CEP85L: variants seen among roughly 807,000 people sequenced by gnomAD.
The protein encoded by CEP85L is centrosomal protein of 85 kDa-like.
A neutral mutation model predicts 100.3 loss-of-function variants in CEP85L; 60 were observed. The observed-to-expected ratio is 0.60, with a 90% CI of 0.49 to 0.74. CEP85L has a LOEUF of 0.74. Among genes scored for constraint, CEP85L ranks in the 30% least tolerant of loss-of-function variants. The pLI is 0.00. For missense variants in CEP85L, 973 were observed against 936.2 expected (o/e 1.04, Z -0.51); for synonymous variants, 319 against 322.7 (o/e 0.99, Z 0.12).
chr6:118,696,121 A>G (rs186949081), intron 1 of CEP85L, among the ~76,000 whole-genome samples: 1 of 152,200 alleles, frequency 6.6e-6, no homozygotes, highest in Admixed American at 6.5e-5. Flanking sequence ...AAATACAAAA[A>G]TTAGCCTGAT....
chr6:118,611,563 G>A (rs1772615310), intron 2 of CEP85L, among the ~76,000 whole-genome samples: 1 of 152,048 alleles, frequency 6.6e-6, no homozygotes, highest in African/African-American at 2.4e-5. Flanking sequence ...GATAGAAATT[G>A]GCACAGCAGA....
chr6:118,476,242 A>G (rs1773362260), intron 10 of CEP85L, among the ~76,000 whole-genome samples: 1 of 151,964 alleles, frequency 6.6e-6, no homozygotes, highest in South Asian at 2.1e-4. Flanking sequence ...GTGAACAGTA[A>G]AGACTGTTCT....
intron 5 of CEP85L, among the ~76,000 whole-genome samples, chr6:118,496,960 C>A (rs573834095): frequency 6.6e-6 from 1 of 152,170 alleles, no homozygotes; most frequent in Non-Finnish European, 1.5e-5. Flanking sequence ...CAAACATTAG[C>A]AGAAATCTTG....
chr6:118,483,587 A>G, intron 7 of CEP85L, 119 bp downstream of exon 7: 1 of 849,098 alleles, frequency 1.2e-6, no homozygotes, highest in African/African-American at 1.7e-5. Context: ...TTCTTATTAG[A>G]ATTAAGTCCC....
intron 5 of CEP85L, among the ~76,000 whole-genome samples, chr6:118,509,299 C>T (rs192975619): frequency 7.2e-5 from 11 of 152,022 alleles, no homozygotes; most frequent in Admixed American, 3.9e-4. Context: ...GCCTTTATTC[C>T]GAATGACAGA....
At chr6:118,618,794 T>C (rs776374318) in intron 2 of CEP85L, among the ~76,000 whole-genome samples, 5 of 152,148 alleles carry the variant, frequency 3.3e-5, no homozygotes, top group Non-Finnish European at 5.9e-5. Flanking sequence ...CTGTCACTAA[T>C]TCAGAGATTC....
chr6:118,465,620 A>C, intron 12 of CEP85L, 52 bp from the exon 13 acceptor site: 4 of 1,561,954 alleles, frequency 2.6e-6, no homozygotes, highest in Non-Finnish European at 2.6e-6. Flanking sequence ...GAACAAAGAC[A>C]TTTTAGAATT....
chr6:118,589,746 G>T, intron 2 of CEP85L: 1 of 222,168 alleles, frequency 4.5e-6, no homozygotes, highest in South Asian at 6.8e-5. Flanking sequence ...TATAGCAAGT[G>T]AAAGCAGGAG....
chr6:118,672,396 T>C (rs1458732870), intron 1 of CEP85L, among the ~76,000 whole-genome samples: 1 of 152,198 alleles, frequency 6.6e-6, no homozygotes, highest in Non-Finnish European at 1.5e-5. Flanking sequence ...ATTTGTTGAA[T>C]ATTGACTATG....
At chr6:118,538,612 G>A (rs1035959841) in intron 3 of CEP85L, among the ~76,000 whole-genome samples, 2 of 151,888 alleles carry the variant, frequency 1.3e-5, no homozygotes, top group African/African-American at 4.8e-5. Context: ...AAAGAAATGA[G>A]CCATGCATGC....
Position 118,609,075 on chromosome 6 carries a change from A to G in CEP85L, c.232+23378T>C, listed in dbSNP as rs531925839. Among the ~76,000 whole-genome samples, 27 of 152,366 alleles carry G rather than the reference A, an allele frequency of 1.8e-4. 1 individual carries two copies. In the South Asian group the frequency reaches 5.4e-3, roughly 30 times the overall value. On this transcript the variant is annotated intron_variant, in intron 2 of 12. Transcript: ENST00000368491. ...ATTTCAAAATAAAAATTATTTTTTA[A>G]AGAAATCCAATATATAGATGTTTTT...
At chr6:118,660,037 A>G (rs906870094) in intron 1 of CEP85L, among the ~76,000 whole-genome samples, 3 of 152,214 alleles carry the variant, frequency 2.0e-5, no homozygotes, top group Non-Finnish European at 4.4e-5. Flanking sequence ...CTTAGAGGAA[A>G]TTAGTTGTAA....
At chr6:118,564,124 TA>T (rs755838246) in intron 3 of CEP85L, among the ~76,000 whole-genome samples, 3 of 151,428 alleles carry the variant, frequency 2.0e-5, no homozygotes, top group Non-Finnish European at 2.9e-5. Context: ...CCAACCTCCC[TA>T]CCCTCCTCTG....
At chr6:118,500,767 T>C (rs1180207419) in intron 5 of CEP85L, among the ~76,000 whole-genome samples, 1 of 152,208 alleles carries the variant, frequency 6.6e-6, no homozygotes, top group Admixed American at 6.5e-5. Flanking sequence ...ATTGCACATA[T>C]GATTGTGCAA....
chr6:118,637,004 A>G (rs573786767), intron 1 of CEP85L, among the ~76,000 whole-genome samples: 1 of 152,366 alleles, frequency 6.6e-6, no homozygotes, highest in East Asian at 1.9e-4. Context: ...CAGATATGAA[A>G]AAGTGGGGAC....
chr6:118,545,517 G>C (rs1346229379), intron 3 of CEP85L, among the ~76,000 whole-genome samples: 1 of 152,158 alleles, frequency 6.6e-6, no homozygotes, highest in Admixed American at 6.5e-5. Flanking sequence ...GAACCCGAGA[G>C]GGAGAGGTTG....
chr6:118,517,693 T>C (rs1404507824), intron 4 of CEP85L, among the ~76,000 whole-genome samples: 2 of 152,204 alleles, frequency 1.3e-5, no homozygotes, highest in African/African-American at 4.8e-5. Flanking sequence ...ACAGAGACAA[T>C]TTGACTTCCT....
intron 3 of CEP85L, among the ~76,000 whole-genome samples, chr6:118,557,216 T>G (rs192312255): frequency 3.9e-5 from 6 of 152,352 alleles, no homozygotes; most frequent in South Asian, 2.1e-4. Flanking sequence ...TAACACTATT[T>G]TATTTTAGAT....
intron 2 of CEP85L, among the ~76,000 whole-genome samples, chr6:118,576,986 G>A (rs1274777712): frequency 1.3e-5 from 2 of 152,112 alleles, no homozygotes; most frequent in Admixed American, 6.5e-5. Context: ...CTGATCAACC[G>A]GGCATGAACT....
Sources: gnomAD v4.1 joint callset for allele counts (sites outside exome capture counted in the v4.1 genomes callset) on GRCh38, gnomAD v4.1.1 for gene constraint, MANE v1.5 for transcripts, NCBI Gene and HGNC (gene_info 2026-07-23, HGNC 2026-07-21) for gene names.